The following TRPM3 variants were observed in gnomAD, a reference collection of about 807,000 sequenced individuals.
The protein encoded by TRPM3 is long transient receptor potential channel 3.
In TRPM3, 77 loss-of-function variants were observed where a neutral mutation model predicts 181.2. That is an observed-to-expected ratio of 0.42 (90% CI 0.35 to 0.51). The LOEUF (loss-of-function observed/expected upper bound fraction) is 0.51, where lower values mean the gene tolerates loss of function less well. Ranked by LOEUF, TRPM3 falls within the 20% of genes least tolerant of loss-of-function variation. The pLI, the probability that TRPM3 is intolerant of heterozygous loss-of-function variation, is 0.01. For missense variants in TRPM3, 1,759 were observed against 2,196.7 expected, an observed-to-expected ratio of 0.80 and a Z score of 3.98; for synonymous variants, 745 against 796.4, an observed-to-expected ratio of 0.94 and a Z score of 1.09.
At chr9:70,644,025 G>T (rs889958640) in intron 9 of TRPM3, among the ~76,000 whole-genome samples, 2 of 152,180 alleles carry the variant, frequency 1.3e-5, no homozygotes, top group Non-Finnish European at 2.9e-5. Flanking sequence ...GAGAAGAGAA[G>T]TCTGTAATTA....
chr9:71,377,616 A>T (rs1161089009), intron 1 of TRPM3, among the ~76,000 whole-genome samples: 1 of 152,106 alleles, frequency 6.6e-6, no homozygotes, highest in South Asian at 2.1e-4. Flanking sequence ...TTTTTTATGT[A>T]AAGTTTTATT....
At chr9:71,169,232 T>C (rs1363569865) in intron 1 of TRPM3, among the ~76,000 whole-genome samples, 2 of 152,198 alleles carry the variant, frequency 1.3e-5, no homozygotes, top group Non-Finnish European at 2.9e-5. Flanking sequence ...TAATTTTGTT[T>C]ACAGGCAGTA....
At chr9:71,183,610 T>C (rs1310875626) in intron 1 of TRPM3, among the ~76,000 whole-genome samples, 1 of 152,156 alleles carries the variant, frequency 6.6e-6, no homozygotes, top group Non-Finnish European at 1.5e-5. Context: ...AATTTCCCAA[T>C]ATGTATTAAA....
intron 1 of TRPM3, among the ~76,000 whole-genome samples, chr9:71,209,702 G>A (rs941441317): frequency 3.3e-5 from 5 of 152,184 alleles, no homozygotes; most frequent in Non-Finnish European, 7.3e-5. Context: ...TCTGGTCCAT[G>A]AGCTAAGAAT....
At chr9:71,300,584 G>C (rs1221434940) in intron 1 of TRPM3, among the ~76,000 whole-genome samples, 1 of 151,960 alleles carries the variant, frequency 6.6e-6, no homozygotes. Context: ...CCTTCCTTGT[G>C]TATGTTTGTT....
chr9:70,543,834 G>C lies in TRPM3; in HGVS notation c.3707+5708C>G, dbSNP rs113620610. Among the ~76,000 whole-genome samples, 755 of 152,318 alleles carry C rather than the reference G, an allele frequency of 5.0e-3. 9 individuals are homozygous for C. Among genetic ancestry groups the C allele is most frequent in the African/African-American group, 0.017 (723 of 41,574 alleles). Reference sequence around the variant, plus strand: ...AAGCCTGGTAGGTGGGGTGATGGTGGATGATCTGGATGCTTTCATCAAGAG... The same window carrying C: ...AAGCCTGGTAGGTGGGGTGATGGTGCATGATCTGGATGCTTTCATCAAGAG... On this transcript the variant is annotated intron_variant, in intron 25 of 25. Coordinates refer to ENST00000677713, the MANE Select transcript of TRPM3 (RefSeq NM_001366145.2).
At chr9:71,118,671 G>A (rs1010970586) in intron 1 of TRPM3, among the ~76,000 whole-genome samples, 40 of 152,116 alleles carry the variant, frequency 2.6e-4, no homozygotes, top group Non-Finnish European at 2.9e-5. Context: ...ATGCTTGGAA[G>A]AGGAATAAGC....
At chr9:70,608,974 G>A (rs1183915370) in intron 19 of TRPM3, among the ~76,000 whole-genome samples, 1 of 152,194 alleles carries the variant, frequency 6.6e-6, no homozygotes, top group African/African-American at 2.4e-5. Context: ...TTGAGTGGAT[G>A]TATGAACACA....
At chr9:71,329,779 G>C (rs1020579189) in intron 1 of TRPM3, among the ~76,000 whole-genome samples, 1 of 152,188 alleles carries the variant, frequency 6.6e-6, no homozygotes, top group African/African-American at 2.4e-5. Flanking sequence ...GGATTTGGGG[G>C]TATTGTCTAA....
intron 1 of TRPM3, among the ~76,000 whole-genome samples, chr9:71,220,746 T>C (rs2080188157): frequency 6.6e-6 from 1 of 152,124 alleles, no homozygotes. Context: ...TGAGAGAATA[T>C]GTGCACCTGA....
At chr9:71,308,999 G>A (rs192891711) in intron 1 of TRPM3, among the ~76,000 whole-genome samples, 1 of 152,210 alleles carries the variant, frequency 6.6e-6, no homozygotes, top group African/African-American at 2.4e-5. Context: ...GCCCTTGTCT[G>A]GTCAATATTT....
chr9:71,092,670 C>G (rs1292617682), intron 1 of TRPM3, among the ~76,000 whole-genome samples: 1 of 152,102 alleles, frequency 6.6e-6, no homozygotes, highest in African/African-American at 2.4e-5. Flanking sequence ...ATTCCTTAAG[C>G]CCAACATGGC....
chr9:70,586,036 C>T (rs2057070436), intron 22 of TRPM3, among the ~76,000 whole-genome samples: 3 of 152,222 alleles, frequency 2.0e-5, no homozygotes, highest in Non-Finnish European at 4.4e-5. Context: ...TCTCTCCTTA[C>T]ACCTCCTGCT....
chr9:70,697,365 TTC>T (rs1211662871), intron 8 of TRPM3, among the ~76,000 whole-genome samples: 6 of 152,212 alleles, frequency 3.9e-5, no homozygotes, highest in African/African-American at 1.2e-4. Flanking sequence ...GAAAAAACAT[TTC>T]TGTTTATCAG....
At position 70,603,344 on chromosome 9, in the gene TRPM3, C is replaced by T; in HGVS notation, c.2794G>A (p.Glu932Lys). Residue 932 changes from glutamate (E) to lysine (K), a missense_variant and splice_region_variant, in exon 20 of 26, where the codon GAG becomes AAG. Glu to Lys is a moderately conservative substitution (Grantham distance 56). Coordinates refer to ENST00000677713, the MANE Select transcript of TRPM3 (RefSeq NM_001366145.2). ...IFTLGIEKMREILMSEPGKLL... is the reference protein window; with the variant it reads ...IFTLGIEKMRKILMSEPGKLL... ...TTTTCTTTTATAAAAGCCGTTACCTCTCTCATCTTTTCTATTCCCAGGGTG... is the reference window on the plus strand; with the variant it reads ...TTTTCTTTTATAAAAGCCGTTACCTTTCTCATCTTTTCTATTCCCAGGGTG... 1 of 1,612,804 alleles carries T rather than the reference C, an allele frequency of 6.2e-7. No individual in the cohort carries two copies. The highest frequency in any genetic ancestry group is 8.5e-7 in the Non-Finnish European group (1 of 1,179,548).
intron 1 of TRPM3, among the ~76,000 whole-genome samples, chr9:71,035,889 T>C (rs769997547): frequency 2.0e-5 from 3 of 150,552 alleles, no homozygotes; most frequent in East Asian, 2.0e-4. Context: ...AATTATTAAA[T>C]AGAGACAAGT....
chr9:71,108,590 G>T (rs1352534411), intron 1 of TRPM3, among the ~76,000 whole-genome samples: 1 of 152,174 alleles, frequency 6.6e-6, no homozygotes, highest in Non-Finnish European at 1.5e-5. Context: ...GCAACTTCGA[G>T]ATTACAAGGA....
At chr9:71,059,428 C>T (rs1033092676) in intron 1 of TRPM3, among the ~76,000 whole-genome samples, 1 of 152,002 alleles carries the variant, frequency 6.6e-6, no homozygotes, top group Non-Finnish European at 1.5e-5. Flanking sequence ...CTGGGTTGGA[C>T]CCCGATCAGA....
intron 9 of TRPM3, among the ~76,000 whole-genome samples, chr9:70,648,657 T>C (rs1443743363): frequency 6.8e-6 from 1 of 147,796 alleles, no homozygotes; most frequent in Non-Finnish European, 1.5e-5. Context: ...CGTAAACCAG[T>C]GGAACAGGTT....
Sources: allele counts gnomAD v4.1 joint callset (sites outside exome capture counted in the v4.1 genomes callset), GRCh38; gene constraint gnomAD v4.1.1; transcripts MANE v1.5; gene names NCBI Gene and HGNC (gene_info 2026-07-23, HGNC 2026-07-21).